Variants in ZNF484 observed in about 807,000 individuals in gnomAD.
ZNF484 encodes zinc finger protein 484, also known as KRAB box containing C2H2 type zinc finger bA526D8.4.
A neutral mutation model predicts 12.9 loss-of-function variants in ZNF484; 11 were observed. That is an observed-to-expected ratio of 0.85 (90% CI 0.54 to 1.41). The LOEUF is 1.41. ZNF484 is among the 40% of genes most tolerant of loss of function. The probability of loss-of-function intolerance (pLI) is 0.00; values close to 1 mark genes in which losing one functional copy is unlikely to be tolerated. For synonymous variants in ZNF484, 289 were observed against 334.1 expected (o/e 0.86, Z 1.47); for missense variants, 807 against 1,007.7 (o/e 0.80, Z 2.70).
chr9:92,846,893 C>T lies in ZNF484; in HGVS notation c.1894G>A (p.Gly632Arg). 6.2e-7 allele frequency: 1 copy of T among 1,614,052 alleles called. No homozygotes were observed. The highest frequency in any genetic ancestry group is 8.5e-7 in the Non-Finnish European group (1 of 1,180,022). The change falls in exon 5 of 5, where the codon GGA becomes AGA. Residue 632 changes from glycine (G) to arginine (R), a missense_variant. Gly to Arg is a moderately radical substitution (Grantham distance 125). Transcript: ENST00000375495. ...QLHVHQQIHT[G>R]EKPYRCAECG... The stretch of plus-strand genomic sequence containing the variant: ...TCAGCACACCTATAGGGTTTCTCTC[C>T]TGTGTGAATCTGCTGATGTACGTGG...
At chr9:92,853,768 G>A (rs543643167) in intron 4 of ZNF484, among the ~76,000 whole-genome samples, 1 of 152,304 alleles carries the variant, frequency 6.6e-6, no homozygotes, top group East Asian at 1.9e-4. Context: ...CCCTGTGGGG[G>A]TGGTCATTGC....
chr9:92,864,914 G>A (rs948911333), intron 2 of ZNF484, among the ~76,000 whole-genome samples: 4 of 151,972 alleles, frequency 2.6e-5, no homozygotes, highest in Admixed American at 2.6e-4. Context: ...CAAAGGAGAT[G>A]AGATCTCACA....
chr9:92,878,022 T>A lies in ZNF484; in HGVS notation c.-163A>T. ...GGCCTAGAGGTACTTCTTACAGCGC[T>A]GCCTGGGTTTGCGCATGCTCAGCAG... On this transcript the variant is annotated 5_prime_UTR_variant, in exon 1 of 5. Transcript: ENST00000375495. 1.5e-6 allele frequency: 1 copy of A among 649,224 alleles called. No homozygotes were observed. The allele number at this position is 649,224 out of a possible 1,614,324, so 40.2% of individuals were successfully genotyped here. A position where few individuals can be genotyped will look rare whatever the true frequency, so the allele number is the denominator to read the frequency against.
chr9:92,847,450 CCA>C lies in ZNF484; in HGVS notation c.1335_1336del (p.Cys445TrpfsTer6). 1.2e-6 allele frequency: 2 copies of C among 1,613,284 alleles called. No homozygotes were observed. The highest frequency in any genetic ancestry group is 1.7e-6 in the Non-Finnish European group (2 of 1,179,806). On this transcript the variant is annotated frameshift_variant, in exon 5 of 5. Coordinates refer to ENST00000375495, the MANE Select transcript of ZNF484 (RefSeq NM_031486.4). LOFTEE classifies it low-confidence loss of function (END_TRUNC). ...TTGTGATTTTTTAATAAAGGATTTC[CCA>C]CAGTCACTGCATTCATAGGGTTTTT...
At chr9:92,861,683 A>C (rs550311600) in intron 2 of ZNF484, among the ~76,000 whole-genome samples, 6 of 152,188 alleles carry the variant, frequency 3.9e-5, no homozygotes, top group Non-Finnish European at 8.8e-5. Context: ...AGCCTAAGGG[A>C]CCCAGCGGGA....
At chr9:92,851,977 A>G (rs951510718) in intron 4 of ZNF484, among the ~76,000 whole-genome samples, 4 of 152,234 alleles carry the variant, frequency 2.6e-5, no homozygotes, top group Non-Finnish European at 5.9e-5. Flanking sequence ...AATTTTCAAG[A>G]TTTCATGCAG....
chr9:92,862,158 A>AAAG (rs967951019), intron 2 of ZNF484: 26 of 974,506 alleles, frequency 2.7e-5, no homozygotes, highest in Non-Finnish European at 3.0e-5. Context: ...GGTAGTTGAG[A>AAAG]AAGAAGTCTG....
chr9:92,872,898 T>G (rs2118246648), intron 2 of ZNF484, among the ~76,000 whole-genome samples: 1 of 152,110 alleles, frequency 6.6e-6, no homozygotes, highest in East Asian at 1.9e-4. Context: ...AGTAGCACAT[T>G]TTTCAAGTGC....
At chr9:92,849,248 C>T (rs979495442) in intron 4 of ZNF484, among the ~76,000 whole-genome samples, 1 of 149,526 alleles carries the variant, frequency 6.7e-6, no homozygotes, top group African/African-American at 2.5e-5. Context: ...GCAACAAGAG[C>T]GAAACTCTAT....
At chr9:92,854,603 G>C (rs1856323095) in intron 4 of ZNF484, among the ~76,000 whole-genome samples, 1 of 152,132 alleles carries the variant, frequency 6.6e-6, no homozygotes, top group African/African-American at 2.4e-5. Flanking sequence ...TGTAGTCCCA[G>C]CTACCGGGGA....
intron 2 of ZNF484, among the ~76,000 whole-genome samples, chr9:92,870,826 T>C (rs1857386004): frequency 6.6e-6 from 1 of 152,220 alleles, no homozygotes; most frequent in Non-Finnish European, 1.5e-5. Flanking sequence ...CTGGGGAGCC[T>C]GAACTGCCAA....
intron 4 of ZNF484, among the ~76,000 whole-genome samples, chr9:92,849,218 G>A (rs953494456): frequency 3.3e-5 from 5 of 151,690 alleles, no homozygotes; most frequent in African/African-American, 1.2e-4. Context: ...CCGAGATCTT[G>A]CCATTGCACT....
chr9:92,877,759 C>A (rs969678764), intron 1 of ZNF484, 131 bp downstream of exon 1: 146 of 1,532,438 alleles, frequency 9.5e-5, no homozygotes, highest in Non-Finnish European at 1.2e-4. Context: ...TCCCTCAGAT[C>A]CACCATCAGA....
At chr9:92,867,190 C>A (rs1274736358) in intron 2 of ZNF484, among the ~76,000 whole-genome samples, 1 of 152,048 alleles carries the variant, frequency 6.6e-6, no homozygotes, top group Non-Finnish European at 1.5e-5. Context: ...ACTAGAAATA[C>A]AAAATTAGCC....
chr9:92,859,367 AG>A (rs751017130), intron 2 of ZNF484, among the ~76,000 whole-genome samples: 1 of 152,172 alleles, frequency 6.6e-6, no homozygotes, highest in Non-Finnish European at 1.5e-5. Flanking sequence ...GGTGGAGAAA[AG>A]AAAGTAGAAC....
At position 92,877,878 on chromosome 9, in the gene ZNF484, C is replaced by T. The variant is rs543302343; in HGVS notation, c.-31+12G>A. The T allele has an allele frequency of 6.3e-5, 96 of 1,535,742 alleles. No individual in the cohort carries two copies. In the East Asian group the frequency reaches 2.1e-3, roughly 33 times the overall value. ...TTGCTCAGTCCACAGATGCTGCCAT[C>T]CCTCTACTCACCTGCCCCTCACCCA... On this transcript the variant is annotated intron_variant, in intron 1 of 4. Transcript: ENST00000375495.
rs1162289043 is a variant in ZNF484, at chr9:92,848,281, A to AC, written c.505dup (p.Val169GlyfsTer9). On this transcript the variant is annotated frameshift_variant, in exon 5 of 5. Transcript: ENST00000375495. LOFTEE classifies it low-confidence loss of function (END_TRUNC). The surrounding 1 kb of genome is among the most constrained non-coding windows in gnomAD (Gnocchi z 4.1). ...GTTATGGGGTCTTTTTCTTGAGGAA[A>AC]CCAGGTGTGTGTTTACATGAACTAT... is the stretch of plus-strand genomic sequence containing the variant. 1 of 1,614,138 alleles carries AC rather than the reference A, an allele frequency of 6.2e-7. No homozygotes were observed. Among genetic ancestry groups the AC allele is most frequent in the Admixed American group, 1.7e-5 (1 of 60,024 alleles).
chr9:92,867,450 C>T (rs1857173258), intron 2 of ZNF484, among the ~76,000 whole-genome samples: 1 of 152,094 alleles, frequency 6.6e-6, no homozygotes, highest in South Asian at 2.1e-4. Flanking sequence ...CCATTGCACT[C>T]CAGCCTGGGC....
Position 92,845,314 on chromosome 9 carries a change from G to T in ZNF484, c.*914C>A, listed in dbSNP as rs1422036689. 6.6e-6 allele frequency: 1 copy of T among 152,114 alleles called. No homozygotes were observed. Among genetic ancestry groups the T allele is most frequent in the Non-Finnish European group, 1.5e-5 (1 of 68,004 alleles). The allele number at this position is 152,114 out of a possible 1,614,324, so 9.4% of individuals were successfully genotyped here. On this transcript the variant is annotated 3_prime_UTR_variant, in exon 5 of 5. Transcript: ENST00000375495. This position sits in a 1 kb window ranked among gnomAD's most constrained non-coding sequence, Gnocchi z 4.0. ...ACAAAAAAGTCTATTCAAATACAGAGAATTTGAAAAACAAAATTAATTAAG... is the reference window on the plus strand; with the variant it reads ...ACAAAAAAGTCTATTCAAATACAGATAATTTGAAAAACAAAATTAATTAAG...
Sources: allele counts gnomAD v4.1 joint callset (sites outside exome capture counted in the v4.1 genomes callset), GRCh38; gene constraint gnomAD v4.1.1; non-coding constraint Gnocchi (gnomAD v3.1); transcripts MANE v1.5; gene names NCBI Gene and HGNC (gene_info 2026-07-23, HGNC 2026-07-21).